Variants in SAMD12 observed in about 807,000 individuals in gnomAD.
SAMD12 encodes the protein sterile alpha motif domain-containing protein 12.
A neutral mutation model predicts 15.0 loss-of-function variants in SAMD12; 9 were observed. That is an observed-to-expected ratio of 0.60 (90% CI 0.36 to 1.05). The LOEUF is 1.05. Ranked by LOEUF, SAMD12 falls within the 50% of genes least tolerant of loss-of-function variation. The pLI is 0.01. For synonymous variants in SAMD12, 86 were observed against 90.1 expected, an observed-to-expected ratio of 0.96 and a Z score of 0.25; for missense variants, 230 against 234.2, an observed-to-expected ratio of 0.98 and a Z score of 0.12.
intron 2 of SAMD12, among the ~76,000 whole-genome samples, chr8:118,548,564 G>T (rs1179812829): frequency 1.3e-5 from 2 of 152,204 alleles, no homozygotes; most frequent in Non-Finnish European, 2.9e-5. Flanking sequence ...GGCCGAATAG[G>T]AACAGCTCCA....
At chr8:118,396,347 A>G (rs1820564980) in intron 3 of SAMD12, among the ~76,000 whole-genome samples, 1 of 152,174 alleles carries the variant, frequency 6.6e-6, no homozygotes, top group African/African-American at 2.4e-5. Flanking sequence ...CAATGCCTTC[A>G]TTTCAAATTA....
intron 4 of SAMD12, among the ~76,000 whole-genome samples, chr8:118,229,841 A>G (rs1812269120): frequency 6.6e-6 from 1 of 152,148 alleles, no homozygotes; most frequent in South Asian, 2.1e-4. Context: ...AGGGCCAGTA[A>G]TGAGTGCCAT....
At chr8:118,169,706 A>T in the SAMD12 span, among the ~76,000 whole-genome samples, 8 of 152,214 alleles carry the variant, frequency 5.3e-5, no homozygotes, top group Non-Finnish European at 1.0e-4. Flanking sequence ...CAATGTGTAC[A>T]GTTTCTAAAA....
intron 2 of SAMD12, among the ~76,000 whole-genome samples, chr8:118,454,639 A>G (rs1000971178): frequency 2.0e-5 from 3 of 152,230 alleles, no homozygotes; most frequent in Non-Finnish European, 4.4e-5. Context: ...TAAAATACAC[A>G]TAACACAAAA....
intron 2 of SAMD12, among the ~76,000 whole-genome samples, chr8:118,547,482 C>A (rs1247940201): frequency 6.6e-6 from 1 of 152,220 alleles, no homozygotes; most frequent in African/African-American, 2.4e-5. Flanking sequence ...ACTAGACTAA[C>A]TGACCAAGGG....
At position 118,392,518 on chromosome 8, in the gene SAMD12, A is replaced by T. The variant is rs553523452; in HGVS notation, c.323-12818T>A. On this transcript the variant is annotated intron_variant, in intron 3 of 3. Transcript: ENST00000314727. ...CCTAAAGAAAGGTAAGAGGTCACCC[A>T]AGACCCTATGGGGAGCTGTGTAGCT... is the stretch of plus-strand genomic sequence containing the variant. Among the ~76,000 whole-genome samples, 12 of 152,344 alleles carry T rather than the reference A, an allele frequency of 7.9e-5. 1 individual carries two copies. The South Asian group carries it at 2.5e-3, about 32-fold the overall frequency.
intron 2 of SAMD12, among the ~76,000 whole-genome samples, chr8:118,524,312 T>G (rs1825475047): frequency 6.6e-6 from 1 of 152,176 alleles, no homozygotes; most frequent in South Asian, 2.1e-4. Flanking sequence ...AGCAAGAACA[T>G]TTGATTCCAC....
intron 2 of SAMD12, among the ~76,000 whole-genome samples, chr8:118,490,066 A>G (rs889390054): frequency 6.6e-6 from 1 of 152,196 alleles, no homozygotes; most frequent in Non-Finnish European, 1.5e-5. Flanking sequence ...GTCTTTATTG[A>G]GTAAAATTTG....
chr8:118,279,745 T>C (rs184700423), intron 4 of SAMD12, among the ~76,000 whole-genome samples: 1 of 152,252 alleles, frequency 6.6e-6, no homozygotes, highest in Non-Finnish European at 1.5e-5. Flanking sequence ...AATCTGGACA[T>C]GCATATTTGA....
At chr8:118,414,360 A>G (rs1821578245) in intron 3 of SAMD12, among the ~76,000 whole-genome samples, 1 of 151,650 alleles carries the variant, frequency 6.6e-6, no homozygotes, top group Admixed American at 6.6e-5. Flanking sequence ...CAAAAATCAC[A>G]TTTTAGTGAC....
At chr8:118,593,408 T>C (rs1164825771) in intron 1 of SAMD12, among the ~76,000 whole-genome samples, 1 of 152,204 alleles carries the variant, frequency 6.6e-6, no homozygotes. Flanking sequence ...TCAGAGGTGG[T>C]ATTACTAATA....
At chr8:118,553,480 T>C (rs1164374245) in intron 2 of SAMD12, among the ~76,000 whole-genome samples, 2 of 152,200 alleles carry the variant, frequency 1.3e-5, no homozygotes, top group Admixed American at 1.3e-4. Context: ...GCTAGCCATA[T>C]GTAGAAAGCT....
intron 3 of SAMD12, among the ~76,000 whole-genome samples, chr8:118,423,865 T>A (rs1228544489): frequency 6.6e-6 from 1 of 152,124 alleles, no homozygotes; most frequent in Admixed American, 6.5e-5. Context: ...GAAAAATACT[T>A]CCTCGATTGC....
At chr8:118,194,109 G>A (rs1456546979) in exon 5 of SAMD12, 1 of 152,142 alleles carries the variant, frequency 6.6e-6, no homozygotes, top group African/African-American at 2.4e-5. Flanking sequence ...GAAAGCATTT[G>A]CAAGTAACAA....
chr8:118,296,752 A>C (rs1814734923), intron 4 of SAMD12, among the ~76,000 whole-genome samples: 1 of 152,214 alleles, frequency 6.6e-6, no homozygotes, highest in South Asian at 2.1e-4. Context: ...ATCTTGTGTT[A>C]TCCTACAAAA....
intron 3 of SAMD12, among the ~76,000 whole-genome samples, chr8:118,421,614 G>A (rs981857831): frequency 1.3e-5 from 2 of 152,204 alleles, no homozygotes; most frequent in Non-Finnish European, 2.9e-5. Flanking sequence ...GTGTAACACA[G>A]GGAAATCTGC....
intron 2 of SAMD12, among the ~76,000 whole-genome samples, chr8:118,527,818 CGAT>C (rs1825572724): frequency 6.6e-6 from 1 of 151,942 alleles, no homozygotes; most frequent in South Asian, 2.1e-4. Context: ...ATTTTGAGCA[CGAT>C]AATTTGACAT....
At chr8:118,339,766 G>T (rs1274582326) in intron 4 of SAMD12, among the ~76,000 whole-genome samples, 3 of 152,326 alleles carry the variant, frequency 2.0e-5, no homozygotes, top group Middle Eastern at 6.8e-3. Context: ...TCAACACTGA[G>T]AGGCTGTCTC....
At chr8:118,514,919 G>T (rs905450906) in intron 2 of SAMD12, among the ~76,000 whole-genome samples, 11 of 152,280 alleles carry the variant, frequency 7.2e-5, no homozygotes, top group Admixed American at 7.2e-4. Flanking sequence ...GGTCCTGGTG[G>T]GAGGTGATTG....
Sources: gnomAD v4.1 joint callset for allele counts (sites outside exome capture counted in the v4.1 genomes callset) on GRCh38, gnomAD v4.1.1 for gene constraint, MANE v1.5 for transcripts, NCBI Gene and HGNC (gene_info 2026-07-23, HGNC 2026-07-21) for gene names.